MIS18A: variants seen among roughly 807,000 people sequenced by gnomAD.
The protein encoded by MIS18A is MIS18 kinetochore protein A.
In MIS18A, 14 loss-of-function variants were observed where a neutral mutation model predicts 25.0. The ratio of observed to expected loss-of-function variants is 0.56; its 90% CI spans 0.37 to 0.88. MIS18A has a LOEUF of 0.88. Ranked by LOEUF, MIS18A falls within the 40% of genes least tolerant of loss-of-function variation. The pLI is 0.00. For missense variants in MIS18A, 292 were observed against 290.8 expected (o/e 1.00, Z -0.03); for synonymous variants, 134 against 118.6 (o/e 1.13, Z -0.84).
chr21:32,224,865 C>T, the MIS18A span, among the ~76,000 whole-genome samples: 21,832 of 142,922 alleles, frequency 0.15, 1,710 homozygotes, highest in Admixed American at 0.2. Flanking sequence ...ATCACACTAC[C>T]TGACTTCAAA....
the MIS18A span, among the ~76,000 whole-genome samples, chr21:32,227,628 T>C: frequency 6.6e-6 from 1 of 152,152 alleles, no homozygotes; most frequent in Non-Finnish European, 1.5e-5. Flanking sequence ...ACCAAAACTT[T>C]AAAGAATACT....
the MIS18A span, among the ~76,000 whole-genome samples, chr21:32,180,408 C>G: frequency 3.9e-5 from 6 of 152,208 alleles, no homozygotes; most frequent in Non-Finnish European, 8.8e-5. Context: ...ACCCACCCTG[C>G]TTTCCGTCTA....
chr21:32,182,326 A>G, the MIS18A span, among the ~76,000 whole-genome samples: 4 of 152,234 alleles, frequency 2.6e-5, no homozygotes, highest in Non-Finnish European at 5.9e-5. Flanking sequence ...ACATTTCACA[A>G]TTTATCTGGC....
chr21:32,254,853 C>T, the MIS18A span, among the ~76,000 whole-genome samples: 2 of 152,180 alleles, frequency 1.3e-5, no homozygotes, highest in Admixed American at 6.5e-5. Context: ...ACAAAGATTT[C>T]ACTAGATGTT....
the MIS18A span, among the ~76,000 whole-genome samples, chr21:32,255,798 G>A: frequency 6.6e-6 from 1 of 151,752 alleles, no homozygotes; most frequent in South Asian, 2.1e-4. Context: ...GGTTGAGGCA[G>A]GAGAATGGAG....
the MIS18A span, among the ~76,000 whole-genome samples, chr21:32,188,931 A>T: frequency 6.6e-6 from 1 of 152,244 alleles, no homozygotes; most frequent in Non-Finnish European, 1.5e-5. Flanking sequence ...AATGGATATC[A>T]GTTCCCAATC....
chr21:32,186,738 T>C, the MIS18A span, among the ~76,000 whole-genome samples: 1 of 152,210 alleles, frequency 6.6e-6, no homozygotes, highest in Non-Finnish European at 1.5e-5. Flanking sequence ...AAAATTGTTC[T>C]CATTACAGTT....
chr21:32,271,422 C>T (rs2031712547), intron 2 of MIS18A, among the ~76,000 whole-genome samples: 1 of 152,176 alleles, frequency 6.6e-6, no homozygotes, highest in Non-Finnish European at 1.5e-5. Context: ...ACCCAAGACT[C>T]ACAGATTATA....
At chr21:32,261,758 G>A in the MIS18A span, among the ~76,000 whole-genome samples, 7 of 152,308 alleles carry the variant, frequency 4.6e-5, no homozygotes, top group East Asian at 1.2e-3. Context: ...GGTGGCACAC[G>A]ACACAGCCAA....
At chr21:32,240,351 T>G in the MIS18A span, among the ~76,000 whole-genome samples, 2 of 152,306 alleles carry the variant, frequency 1.3e-5, no homozygotes, top group Admixed American at 6.5e-5. Flanking sequence ...AGTTGTCCCT[T>G]CCGCCACATG....
At chr21:32,206,054 C>A in the MIS18A span, among the ~76,000 whole-genome samples, 3 of 152,176 alleles carry the variant, frequency 2.0e-5, no homozygotes, top group African/African-American at 7.2e-5. Context: ...GTGGTCCCCC[C>A]ATCCACTGTA....
chr21:32,267,194 T>G (rs1203472219), downstream of MIS18A, among the ~76,000 whole-genome samples: 1 of 152,226 alleles, frequency 6.6e-6, no homozygotes, highest in Non-Finnish European at 1.5e-5. Flanking sequence ...GGCCACCCCT[T>G]CAGGGATGCC....
rs139592964 is a variant in MIS18A, at chr21:32,275,972, C to T, written c.335-1076G>A. On this transcript the variant is annotated intron_variant, in intron 1 of 4. Coordinates refer to ENST00000290130, the MANE Select transcript of MIS18A (RefSeq NM_018944.3). ...GAAAATGCGGGGTCACATTACTCCCCTGCCTAAGCTAGCATAATAACGTAC... is the reference window on the plus strand; with the variant it reads ...GAAAATGCGGGGTCACATTACTCCCTTGCCTAAGCTAGCATAATAACGTAC... 1.4e-3 allele frequency among the ~76,000 whole-genome samples: 219 copies of T among 152,232 alleles called. 1 individual carries two copies. Among genetic ancestry groups the T allele is most frequent in the African/African-American group, 5.0e-3 (209 of 41,562 alleles).
the MIS18A span, among the ~76,000 whole-genome samples, chr21:32,194,348 A>G: frequency 6.6e-6 from 1 of 152,168 alleles, no homozygotes; most frequent in Non-Finnish European, 1.5e-5. Context: ...TATGATATAT[A>G]TATATAGTAG....
downstream of MIS18A, among the ~76,000 whole-genome samples, chr21:32,266,018 A>G (rs1397447309): frequency 2.0e-5 from 3 of 151,924 alleles, no homozygotes; most frequent in Admixed American, 1.3e-4. Flanking sequence ...GCACCAATCA[A>G]CACTCTGTAT....
the MIS18A span, among the ~76,000 whole-genome samples, chr21:32,190,279 G>T: frequency 6.6e-6 from 1 of 151,858 alleles, no homozygotes; most frequent in Non-Finnish European, 1.5e-5. Context: ...GCATGCAATG[G>T]TATTGCACAA....
At chr21:32,185,074 G>A in the MIS18A span, among the ~76,000 whole-genome samples, 1 of 152,088 alleles carries the variant, frequency 6.6e-6, no homozygotes, top group East Asian at 1.9e-4. Flanking sequence ...TGCCTACGAT[G>A]TAAGTACCCC....
the MIS18A span, among the ~76,000 whole-genome samples, chr21:32,180,095 G>T: frequency 6.6e-6 from 1 of 152,204 alleles, no homozygotes; most frequent in African/African-American, 2.4e-5. Context: ...ACTTCAGAAA[G>T]CCCTAAATTC....
chr21:32,173,686 C>A, the MIS18A span, among the ~76,000 whole-genome samples: 1 of 151,946 alleles, frequency 6.6e-6, no homozygotes, highest in Non-Finnish European at 1.5e-5. Context: ...TGTATGATTC[C>A]TTTTATAGGA....
Sources: gnomAD v4.1 joint callset for allele counts (sites outside exome capture counted in the v4.1 genomes callset) on GRCh38, gnomAD v4.1.1 for gene constraint, MANE v1.5 for transcripts, NCBI Gene and HGNC (gene_info 2026-07-23, HGNC 2026-07-21) for gene names.